The following ERBB4 variants were observed in gnomAD, a reference collection of about 807,000 sequenced individuals.
ERBB4 encodes receptor tyrosine-protein kinase erbB-4.
Under a neutral mutation model 158.0 loss-of-function variants are expected in ERBB4, and 42 were observed. That is an observed-to-expected ratio of 0.27 (90% CI 0.21 to 0.34). The LOEUF (loss-of-function observed/expected upper bound fraction) is 0.34, where lower values mean the gene tolerates loss of function less well. ERBB4 is among the 10% of genes least tolerant of loss of function. The pLI is 1.00. For synonymous variants in ERBB4, 583 were observed against 558.7 expected (o/e 1.04, Z -0.61); for missense variants, 1,333 against 1,624.1 (o/e 0.82, Z 3.08).
At chr2:212,242,748 G>A (rs1379308106) in intron 1 of ERBB4, among the ~76,000 whole-genome samples, 1 of 152,070 alleles carries the variant, frequency 6.6e-6, no homozygotes, top group Non-Finnish European at 1.5e-5. Context: ...AACATAAGCT[G>A]GTACTGCATG....
At chr2:211,800,370 C>T (rs747121648) in intron 3 of ERBB4, among the ~76,000 whole-genome samples, 1 of 152,046 alleles carries the variant, frequency 6.6e-6, no homozygotes, top group African/African-American at 2.4e-5. Context: ...GGTAAGAGTT[C>T]GAAAGAACCA....
intron 5 of ERBB4, among the ~76,000 whole-genome samples, chr2:211,744,822 T>C (rs1198261775): frequency 6.6e-6 from 1 of 152,218 alleles, no homozygotes; most frequent in Non-Finnish European, 1.5e-5. Flanking sequence ...TTTTTTCTCT[T>C]TTCCCCAATG....
chr2:212,289,868 G>A (rs1249861011), intron 1 of ERBB4, among the ~76,000 whole-genome samples: 2 of 152,140 alleles, frequency 1.3e-5, no homozygotes, highest in Non-Finnish European at 2.9e-5. Flanking sequence ...TGTCTTGAAT[G>A]TCATTCAGAT....
At chr2:211,511,562 C>A (rs1167168862) in intron 20 of ERBB4, among the ~76,000 whole-genome samples, 2 of 151,890 alleles carry the variant, frequency 1.3e-5, no homozygotes, top group East Asian at 3.9e-4. Flanking sequence ...AAATGACAAA[C>A]CTTGAAAAGC....
intron 1 of ERBB4, among the ~76,000 whole-genome samples, chr2:212,511,483 A>G (rs558798623): frequency 9.8e-5 from 15 of 152,352 alleles, no homozygotes; most frequent in Admixed American, 2.6e-4. Flanking sequence ...CAATGAAATT[A>G]TATTATTGTA....
chr2:211,393,897 T>A (rs1559124034), intron 25 of ERBB4, among the ~76,000 whole-genome samples: 1 of 152,018 alleles, frequency 6.6e-6, no homozygotes, highest in Non-Finnish European at 1.5e-5. Flanking sequence ...GAGACAATTT[T>A]AAATAACTGG....
chr2:211,489,401 T>G (rs2125566528), intron 20 of ERBB4, among the ~76,000 whole-genome samples: 1 of 152,050 alleles, frequency 6.6e-6, no homozygotes, highest in African/African-American at 2.4e-5. Flanking sequence ...CAATTGCAAA[T>G]TTGGGATAAC....
At chr2:212,353,386 T>C (rs1420117736) in intron 1 of ERBB4, among the ~76,000 whole-genome samples, 1 of 149,616 alleles carries the variant, frequency 6.7e-6, no homozygotes, top group East Asian at 1.9e-4. Context: ...ATATGTGCTG[T>C]ATATAATACA....
At chr2:211,998,529 CAAAAAAAA>C (rs36008694) in intron 2 of ERBB4, among the ~76,000 whole-genome samples, 5 of 116,288 alleles carry the variant, frequency 4.3e-5, no homozygotes, top group East Asian at 2.7e-4. Context: ...CTCATACTGC[CAAAAAAAA>C]AAAAAAAAAA....
At chr2:211,507,757 A>G (rs62178829) in intron 20 of ERBB4, among the ~76,000 whole-genome samples, 54,776 of 151,700 alleles carry the variant, frequency 0.36, 10,066 homozygotes, top group Middle Eastern at 0.44. Context: ...CAGTAACCAA[A>G]ACAGCATGGT....
intron 1 of ERBB4, among the ~76,000 whole-genome samples, chr2:212,510,075 CATAA>C (rs760515198): frequency 7.3e-5 from 11 of 150,586 alleles, no homozygotes; most frequent in Non-Finnish European, 1.6e-4. Flanking sequence ...TATACACTAA[CATAA>C]ATAGTTACAT....
intron 2 of ERBB4, among the ~76,000 whole-genome samples, chr2:212,039,092 G>C (rs141007959): frequency 2.6e-5 from 4 of 152,150 alleles, no homozygotes; most frequent in African/African-American, 9.6e-5. Context: ...CATTTATTTA[G>C]TGAATGTGTA....
chr2:212,038,600 T>C (rs2077068788), intron 2 of ERBB4, among the ~76,000 whole-genome samples: 1 of 152,186 alleles, frequency 6.6e-6, no homozygotes, highest in South Asian at 2.1e-4. Context: ...TGATTCTTTT[T>C]TTCTCCTCCA....
At chr2:211,444,078 G>T (rs1167794589) in intron 20 of ERBB4, among the ~76,000 whole-genome samples, 1 of 151,794 alleles carries the variant, frequency 6.6e-6, no homozygotes, top group Non-Finnish European at 1.5e-5. Flanking sequence ...TTTAATTTCA[G>T]CACCCTTACC....
At chr2:212,387,629 G>A (rs138448265) in intron 1 of ERBB4, among the ~76,000 whole-genome samples, 1 of 152,034 alleles carries the variant, frequency 6.6e-6, no homozygotes, top group East Asian at 1.9e-4. Context: ...TTTTGGTCAG[G>A]CTTGGTTCAA....
intron 11 of ERBB4, among the ~76,000 whole-genome samples, chr2:211,703,269 G>A (rs1385344477): frequency 4.6e-5 from 7 of 151,984 alleles, no homozygotes; most frequent in Admixed American, 4.6e-4. Context: ...TTTATTCAAC[G>A]GATAGTAAAA....
intron 1 of ERBB4, among the ~76,000 whole-genome samples, chr2:212,174,565 G>T (rs1044735550): frequency 9.9e-5 from 15 of 152,064 alleles, no homozygotes; most frequent in African/African-American, 3.6e-4. Context: ...CCTCTTTGAA[G>T]ATCCATGCTA....
At chr2:212,383,798 C>T (rs1259079147) in intron 1 of ERBB4, among the ~76,000 whole-genome samples, 1 of 151,610 alleles carries the variant, frequency 6.6e-6, no homozygotes, top group Non-Finnish European at 1.5e-5. Flanking sequence ...TCTGTGTTAT[C>T]GAAGACAATT....
chr2:212,323,269 T>C (rs1016097252), intron 1 of ERBB4, among the ~76,000 whole-genome samples: 1 of 150,638 alleles, frequency 6.6e-6, no homozygotes, highest in Non-Finnish European at 1.5e-5. Flanking sequence ...ATCAGGCCTT[T>C]ATTTTCTCCA....
Sources: gnomAD v4.1 joint callset for allele counts (sites outside exome capture counted in the v4.1 genomes callset) on GRCh38, gnomAD v4.1.1 for gene constraint, MANE v1.5 for transcripts, NCBI Gene and HGNC (gene_info 2026-07-23, HGNC 2026-07-21) for gene names.